The following SLC24A4 variants were observed in gnomAD, a reference collection of about 807,000 sequenced individuals.
SLC24A4 encodes solute carrier family 24 member 4, also known as sodium/potassium/calcium exchanger 4.
In SLC24A4, 53 loss-of-function variants were observed where a neutral mutation model predicts 79.0. That is an observed-to-expected ratio of 0.67 (90% confidence interval 0.54 to 0.84). SLC24A4 has a LOEUF of 0.84. Ranked by LOEUF, SLC24A4 falls within the 40% of genes least tolerant of loss-of-function variation. The pLI is 0.00. For missense variants in SLC24A4, 731 were observed against 822.0 expected (o/e 0.89, Z 1.35); for synonymous variants, 323 against 323.8 (o/e 1.00, Z 0.03).
intron 2 of SLC24A4, among the ~76,000 whole-genome samples, chr14:92,401,382 A>T (rs1890102866): frequency 6.6e-6 from 1 of 152,186 alleles, no homozygotes; most frequent in Non-Finnish European, 1.5e-5. Context: ...AATGGAAGCA[A>T]AATGTCTTGA....
In SLC24A4 at chr14:92,442,717, G is replaced by T. The variant is rs1892567215; in HGVS notation, c.483G>T (p.Val161=). The T allele has an allele frequency of 3.8e-5, 62 of 1,612,540 alleles. No homozygotes were observed. Among genetic ancestry groups the T allele is most frequent in the Non-Finnish European group, 5.3e-5 (62 of 1,178,670 alleles). Residue 161 remains valine, a synonymous_variant, in exon 6 of 17, where the codon GTG becomes GTT. Coordinates refer to ENST00000532405, the MANE Select transcript of SLC24A4 (RefSeq NM_153646.4). The part of the protein sequence containing the change: ...TPELFASVIG[V]FITHGDVGVG... ...GTCTGTGTGTTTCCTTTCCAGGGGT[G>T]TTCATCACCCATGGGGACGTCGGGG...
chr14:92,322,685 G>A (rs1475542686), upstream of SLC24A4: 3 of 152,706 alleles, frequency 2.0e-5, no homozygotes, highest in African/African-American at 7.2e-5. Context: ...AGCCCTGAAG[G>A]AGCTGGTCCC....
chr14:92,370,694 TA>T (rs1165747298), intron 2 of SLC24A4, among the ~76,000 whole-genome samples: 9 of 152,024 alleles, frequency 5.9e-5, no homozygotes, highest in Non-Finnish European at 8.8e-5. Context: ...GGGGCAGTCA[TA>T]AAAAAAATTC....
At chr14:92,402,775 CATG>C (rs1055894513) in intron 2 of SLC24A4, among the ~76,000 whole-genome samples, 2 of 152,132 alleles carry the variant, frequency 1.3e-5, no homozygotes, top group Non-Finnish European at 2.9e-5. Flanking sequence ...TATTCACAAT[CATG>C]AGGACAGTGC....
intron 12 of SLC24A4, 33 bp downstream of exon 12, chr14:92,456,641 C>T: frequency 6.2e-7 from 1 of 1,602,208 alleles, no homozygotes; most frequent in Non-Finnish European, 8.5e-7. Context: ...TCTCGGGCTA[C>T]ATTTTTGGGG....
chr14:92,360,648 A>G (rs1566713272), intron 2 of SLC24A4, among the ~76,000 whole-genome samples: 1 of 152,244 alleles, frequency 6.6e-6, no homozygotes, highest in East Asian at 1.9e-4. Flanking sequence ...TTGCCCGATC[A>G]TACTGCCAAT....
intron 2 of SLC24A4, among the ~76,000 whole-genome samples, chr14:92,344,077 G>A (rs925960712): frequency 1.3e-5 from 2 of 152,188 alleles, no homozygotes; most frequent in Non-Finnish European, 2.9e-5. Flanking sequence ...GTATAGATGG[G>A]GATGTGACTT....
intron 2 of SLC24A4, among the ~76,000 whole-genome samples, chr14:92,362,465 G>A (rs535232663): frequency 1.3e-5 from 2 of 152,260 alleles, no homozygotes; most frequent in East Asian, 3.9e-4. Flanking sequence ...CTGGGTAGAT[G>A]GACCGGTTGG....
intron 2 of SLC24A4, among the ~76,000 whole-genome samples, chr14:92,328,505 G>T (rs1283950740): frequency 2.0e-5 from 3 of 152,234 alleles, no homozygotes; most frequent in East Asian, 3.8e-4. Flanking sequence ...GCCATTTAGA[G>T]TTGCCATGAC....
rs79434709 is a variant in SLC24A4 at position 92,353,707 on chromosome 14, G to A, written c.241+27729G>A. ...GCTCTTCGTGTCCTTTTCTGTGTAG[G>A]CATTTAATCAGCTGTACCCTACTTG... On this transcript the variant is annotated intron_variant, in intron 2 of 16. Coordinates refer to ENST00000532405, the MANE Select transcript of SLC24A4 (RefSeq NM_153646.4). This position sits in a 1 kb window ranked among gnomAD's most constrained non-coding sequence, Gnocchi z 4.1. Among the ~76,000 whole-genome samples, 3,773 of 152,214 alleles carry A rather than the reference G, an allele frequency of 0.025. 172 individuals are homozygous for A. Among genetic ancestry groups the A allele is most frequent in the African/African-American group, 0.086 (3,577 of 41,500 alleles).
At chr14:92,348,806 G>A (rs181385067) in intron 2 of SLC24A4, among the ~76,000 whole-genome samples, 7 of 152,134 alleles carry the variant, frequency 4.6e-5, no homozygotes, top group Non-Finnish European at 1.0e-4. Context: ...AGTCCCCTTC[G>A]GTGAAGGTTT....
Position 92,493,630 on chromosome 14 carries a change from G to A in SLC24A4, c.*2G>A, listed in dbSNP as rs140448666. 1.1e-4 allele frequency: 182 copies of A among 1,613,994 alleles called. No homozygotes were observed. In the African/African-American group the frequency reaches 1.5e-3, roughly 13 times the overall value. On this transcript the variant is annotated 3_prime_UTR_variant, in exon 17 of 17. Transcript: ENST00000532405. ...CCGATGTGCCGGGAAGACGATTAGC[G>A]CTGAGTCGCGGCCCCTGGGAGCTGA...
chr14:92,343,618 T>TTCTC (rs1886308007), intron 2 of SLC24A4, among the ~76,000 whole-genome samples: 1 of 143,550 alleles, frequency 7.0e-6, no homozygotes, highest in South Asian at 2.3e-4. Context: ...CTTTCTTTCT[T>TTCTC]TCTTTCTTTC....
chr14:92,406,431 T>C (rs1250876789), intron 2 of SLC24A4, among the ~76,000 whole-genome samples: 2 of 152,204 alleles, frequency 1.3e-5, no homozygotes, highest in East Asian at 3.8e-4. Flanking sequence ...GTATGGGGGC[T>C]CCAACCCAAT....
intron 2 of SLC24A4, among the ~76,000 whole-genome samples, chr14:92,417,838 A>G (rs1178747093): frequency 2.6e-5 from 4 of 152,238 alleles, no homozygotes; most frequent in Admixed American, 2.6e-4. Context: ...TTTATGGGAT[A>G]GCTTAGGTGT....
Position 92,456,408 on chromosome 14 carries a change from A to G in SLC24A4, c.1055A>G (p.Gln352Arg). 6.2e-7 allele frequency: 1 copy of G among 1,614,202 alleles called. No homozygotes were observed. Among genetic ancestry groups the G allele is most frequent in the East Asian group, 2.2e-5 (1 of 44,892 alleles). The change falls in exon 12 of 17, where the codon CAG becomes CGG. Residue 352 changes from glutamine to arginine, a missense_variant. Coordinates refer to ENST00000532405, the MANE Select transcript of SLC24A4 (RefSeq NM_153646.4). ...TGTTGCCTCCTGTCCACACAGCGGCAGAGACTGATCAACTCGGCCAATGGT... is the reference window on the plus strand; with the variant it reads ...TGTTGCCTCCTGTCCACACAGCGGCGGAGACTGATCAACTCGGCCAATGGT... ...MASRIIINERQRLINSANGVS... is the reference protein window; with the variant it reads ...MASRIIINERRRLINSANGVS...
At chr14:92,421,135 A>G (rs1445095207) in intron 2 of SLC24A4, among the ~76,000 whole-genome samples, 2 of 152,186 alleles carry the variant, frequency 1.3e-5, no homozygotes, top group Non-Finnish European at 2.9e-5. Flanking sequence ...GGGGCTTGTT[A>G]CTTGTTCATC....
chr14:92,482,735 G>A lies in SLC24A4; in HGVS notation c.1311G>A (p.Leu437=). 1 of 1,614,156 alleles carries A rather than the reference G, an allele frequency of 6.2e-7. No homozygotes were observed. Among genetic ancestry groups the A allele is most frequent in the East Asian group, 2.2e-5 (1 of 44,882 alleles). ...WVFTWPLIFL[L]CVTIPNCSKP... Reference sequence around the variant, plus strand: ...TCACCTGGCCCCTCATCTTCCTCCTGTGCGTCACCATTCCCAACTGCAGCA... The same window carrying A: ...TCACCTGGCCCCTCATCTTCCTCCTATGCGTCACCATTCCCAACTGCAGCA... Residue 437 remains leucine, a synonymous_variant, in exon 13 of 17, where the codon CTG becomes CTA. Transcript: ENST00000532405.
At chr14:92,482,568 G>A (rs539301680) in intron 12 of SLC24A4, 112 bp from the exon 13 acceptor site, 51 of 1,020,294 alleles carry the variant, frequency 5.0e-5, no homozygotes, top group East Asian at 4.0e-4. Context: ...GAGTCACATC[G>A]GTGGCATTCT....
Sources: gnomAD v4.1 joint callset for allele counts (sites outside exome capture counted in the v4.1 genomes callset) on GRCh38, gnomAD v4.1.1 for gene constraint, Gnocchi (gnomAD v3.1) non-coding constraint, MANE v1.5 for transcripts, NCBI Gene and HGNC (gene_info 2026-07-23, HGNC 2026-07-21) for gene names.